SMCHD1: variants seen among roughly 807,000 people sequenced by gnomAD.
The protein encoded by SMCHD1 is structural maintenance of chromosomes flexible hinge domain containing 1, also known as structural maintenance of chromosomes flexible hinge domain-containing protein 1.
Under a neutral mutation model 254.7 loss-of-function variants are expected in SMCHD1, and 78 were observed. The ratio of observed to expected loss-of-function variants is 0.31; its 90% CI spans 0.26 to 0.37. SMCHD1 has a LOEUF of 0.37. Ranked by LOEUF, SMCHD1 falls within the 10% of genes least tolerant of loss-of-function variation. The pLI is 1.00. For synonymous variants in SMCHD1, 766 were observed against 794.9 expected (o/e 0.96, Z 0.61); for missense variants, 1,840 against 2,408.1 (o/e 0.76, Z 4.94).
intron 1 of SMCHD1, among the ~76,000 whole-genome samples, chr18:2,665,905 C>CT (rs1235315688): frequency 3.3e-5 from 5 of 152,052 alleles, no homozygotes; most frequent in Admixed American, 3.3e-4. Context: ...AACGTTCCAC[C>CT]TAATCACTAG....
chr18:2,735,543 A>G (rs1161221983), intron 25 of SMCHD1, among the ~76,000 whole-genome samples: 2 of 152,362 alleles, frequency 1.3e-5, no homozygotes, highest in East Asian at 1.9e-4. Context: ...GACTCTGGCA[A>G]AATCCTCCTG....
rs113825505 is a variant in SMCHD1, at chr18:2,739,581, A to G, written c.3514+61A>G. On this transcript the variant is annotated intron_variant, in intron 27 of 47. Transcript: ENST00000320876. ...AAAATCTTCTGTGATGTTTCCTTCC[A>G]TGGATGTTTTAGATACCTAATCTGA... The G allele has an allele frequency of 0.015, 20,308 of 1,351,938 alleles. 201 individuals carry two copies. Among genetic ancestry groups the G allele is most frequent in the Non-Finnish European group, 0.019 (17,716 of 955,968 alleles). The allele number at this position is 1,351,938 out of a possible 1,614,324, so 83.7% of individuals were successfully genotyped here.
chr18:2,748,649 T>C (rs1321237964), intron 30 of SMCHD1, among the ~76,000 whole-genome samples: 1 of 151,876 alleles, frequency 6.6e-6, no homozygotes, highest in Non-Finnish European at 1.5e-5. Context: ...CCCGCCTTGG[T>C]CTCCCAAAGT....
intron 25 of SMCHD1, among the ~76,000 whole-genome samples, chr18:2,735,439 T>C (rs1201184576): frequency 6.6e-6 from 1 of 152,070 alleles, no homozygotes; most frequent in Non-Finnish European, 1.5e-5. Flanking sequence ...CCCAGAGCAA[T>C]CAGGCAAGAG....
rs769432583 is a variant in SMCHD1, at chr18:2,708,907, T to TATATATATATATAAA, written c.2260+988_2260+989insTATATATATATAAAA. Among the ~76,000 whole-genome samples, 263 of 44,672 alleles carry TATATATATATATAAA rather than the reference T, an allele frequency of 5.9e-3. 32 individuals carry two copies. The highest frequency in any genetic ancestry group is 0.02 in the African/African-American group (243 of 11,866). The allele number at this position is 44,672 out of a possible 152,430, so 29.3% of individuals were successfully genotyped here. A position where few individuals can be genotyped will look rare whatever the true frequency, so the allele number is the denominator to read the frequency against. On this transcript the variant is annotated intron_variant, in intron 17 of 47. Coordinates refer to ENST00000320876, the MANE Select transcript of SMCHD1 (RefSeq NM_015295.3). ...ATATATATATATATATATATATATA[T>TATATATATATATAAA]AACATATTAACATGAAATTTATGAA...
In SMCHD1 at chr18:2,728,520, C is replaced by T. The variant is rs2075069212; in HGVS notation, c.2837C>T (p.Ala946Val). Residue 946 changes from alanine (A) to valine (V), a missense_variant, in exon 23 of 48, where the codon GCT becomes GTT. Coordinates refer to ENST00000320876, the MANE Select transcript of SMCHD1 (RefSeq NM_015295.3). The stretch of plus-strand genomic sequence containing the variant: ...ATTTTAGTTATAGAAAATGGAACAG[C>T]TTTCCCATTTCAGGTGGAAGTTTTA... ...SEILVIENGT[A>V]FPFQVEVLDE... 5 of 1,613,076 alleles carry T rather than the reference C, an allele frequency of 3.1e-6. No homozygotes were observed. Among genetic ancestry groups the T allele is most frequent in the South Asian group, 1.1e-5 (1 of 91,012 alleles).
chr18:2,762,874 G>A (rs370113179), intron 36 of SMCHD1, among the ~76,000 whole-genome samples: 63 of 152,216 alleles, frequency 4.1e-4, no homozygotes, highest in East Asian at 1.9e-4. Context: ...TTCAATGTCC[G>A]GTTCACTGAG....
intron 29 of SMCHD1, among the ~76,000 whole-genome samples, chr18:2,745,961 A>G (rs2075446295): frequency 6.6e-6 from 1 of 152,198 alleles, no homozygotes; most frequent in Non-Finnish European, 1.5e-5. Context: ...AGGAACTGAT[A>G]TAATACATTA....
intron 29 of SMCHD1, among the ~76,000 whole-genome samples, chr18:2,746,576 T>C (rs1011446429): frequency 6.6e-6 from 1 of 152,026 alleles, no homozygotes; most frequent in Non-Finnish European, 1.5e-5. Context: ...ATCTCAAGGG[T>C]GTTTGGTTTT....
At chr18:2,748,384 A>ATCTGTG (rs60959284) in intron 30 of SMCHD1, among the ~76,000 whole-genome samples, 1 of 68,288 alleles carries the variant, frequency 1.5e-5, no homozygotes, top group African/African-American at 7.0e-5. Flanking sequence ...GTGTGTGTGT[A>ATCTGTG]TATAAATTTT....
chr18:2,734,004 A>G (rs1448469653), intron 25 of SMCHD1, among the ~76,000 whole-genome samples: 4 of 152,218 alleles, frequency 2.6e-5, no homozygotes, highest in Non-Finnish European at 5.9e-5. Context: ...ATACCGGTAT[A>G]CACCATACCC....
chr18:2,762,290 G>C, intron 36 of SMCHD1, 54 bp downstream of exon 36: 1 of 1,564,140 alleles, frequency 6.4e-7, no homozygotes. Context: ...AATTATCTTT[G>C]ATTTTAGGGT....
rs558330235 is a variant in SMCHD1, at chr18:2,708,730, C to T, written c.2260+810C>T. Among the ~76,000 whole-genome samples the T allele has an allele frequency of 8.6e-5, 13 of 150,714 alleles. No homozygotes were observed. In the South Asian group the frequency reaches 1.9e-3, roughly 22 times the overall value. On this transcript the variant is annotated intron_variant, in intron 17 of 47. Transcript: ENST00000320876. ...TCCCCTGTTCAAGCAATTCTCCTGT[C>T]TCAGCCTCCTGAGTAGCCGGGATTA...
intron 29 of SMCHD1, among the ~76,000 whole-genome samples, chr18:2,746,467 A>T (rs1364764083): frequency 1.3e-5 from 2 of 152,132 alleles, no homozygotes; most frequent in African/African-American, 4.8e-5. Context: ...ACATTTGGAA[A>T]CTCAGCAGTT....
chr18:2,795,938 T>C lies in SMCHD1; in HGVS notation c.5720-11T>C, dbSNP rs200722993. 4 of 1,564,118 alleles carry C rather than the reference T, an allele frequency of 2.6e-6. No individual in the cohort carries two copies. The highest frequency in any genetic ancestry group is 4.6e-5 in the East Asian group (2 of 43,418). On this transcript the variant is annotated splice_polypyrimidine_tract_variant and intron_variant, in intron 45 of 47. Transcript: ENST00000320876. ...CAGTAATTTAATCAAATGCATTTGG[T>C]TTCTTTACAGATCTTCTTCAGCAGT...
intron 47 of SMCHD1, 88 bp downstream of exon 47, chr18:2,796,609 C>T: frequency 1.1e-6 from 1 of 892,558 alleles, no homozygotes; most frequent in South Asian, 1.4e-5. Context: ...GAGATGAAGT[C>T]TTGCTCTGTT....
chr18:2,694,812 TTTAGTA>T, intron 8 of SMCHD1, 119 bp downstream of exon 8: 1 of 789,018 alleles, frequency 1.3e-6, no homozygotes, highest in Non-Finnish European at 2.1e-6. Flanking sequence ...TTTTCTTCCC[TTTAGTA>T]TTATCCAGTA....
intron 5 of SMCHD1, among the ~76,000 whole-genome samples, chr18:2,675,228 A>AT (rs2143852082): frequency 6.7e-6 from 1 of 148,168 alleles, no homozygotes; most frequent in East Asian, 2.0e-4. Flanking sequence ...AGAAGCTGTC[A>AT]TTTTAGTTAT....
chr18:2,709,627 A>G (rs1479718811), intron 17 of SMCHD1, among the ~76,000 whole-genome samples: 1 of 152,034 alleles, frequency 6.6e-6, no homozygotes, highest in Non-Finnish European at 1.5e-5. Flanking sequence ...TTTCCTACTA[A>G]AGATAATTGT....
Sources: allele counts gnomAD v4.1 joint callset (sites outside exome capture counted in the v4.1 genomes callset), GRCh38; gene constraint gnomAD v4.1.1; transcripts MANE v1.5; gene names NCBI Gene and HGNC (gene_info 2026-07-23, HGNC 2026-07-21).